The following ANKFN1 variants were observed in gnomAD, a reference collection of about 807,000 sequenced individuals.
The protein encoded by ANKFN1 is ankyrin repeat and fibronectin type III domain containing 1, also known as ankyrin repeat and fibronectin type-III domain-containing protein 1.
Under a neutral mutation model 108.7 loss-of-function variants are expected in ANKFN1, and 74 were observed. That is an observed-to-expected ratio of 0.68 (90% CI 0.56 to 0.83). ANKFN1 has a LOEUF of 0.83. Ranked by LOEUF, ANKFN1 falls within the 40% of genes least tolerant of loss-of-function variation. The probability of loss-of-function intolerance (pLI) is 0.00; values close to 1 mark genes in which losing one functional copy is unlikely to be tolerated. For synonymous variants in ANKFN1, 547 were observed against 516.2 expected (o/e 1.06, Z -0.81); for missense variants, 1,505 against 1,382.3 (o/e 1.09, Z -1.41).
chr17:56,188,543 A>ATG (rs1466873294), intron 1 of ANKFN1, among the ~76,000 whole-genome samples: 949 of 73,700 alleles, frequency 0.013, 71 homozygotes, highest in East Asian at 0.042. Context: ...AATAAGATGT[A>ATG]TATGTGTGTG....
intron 2 of ANKFN1, among the ~76,000 whole-genome samples, chr17:56,218,046 A>C (rs1041193673): frequency 1.3e-5 from 2 of 152,120 alleles, no homozygotes; most frequent in Non-Finnish European, 2.9e-5. Context: ...GAGTCATTAG[A>C]TTCCAACAAA....
At position 56,274,081 on chromosome 17, in the gene ANKFN1, G is replaced by A. The variant is rs568606292; in HGVS notation, c.53+46124G>A. ...ACCATAGTAATAGGACATTCTTATT[G>A]GATAGATCCGAGTCACATACAAGGG... On this transcript the variant is annotated intron_variant, in intron 3 of 20. Coordinates refer to ENST00000682825, the MANE Select transcript of ANKFN1 (RefSeq NM_001370326.1). Among the ~76,000 whole-genome samples, 4 of 152,220 alleles carry A rather than the reference G, an allele frequency of 2.6e-5. No homozygotes were observed. In the South Asian group the frequency reaches 8.3e-4, roughly 32 times the overall value.
In ANKFN1 at chr17:56,392,249, A is replaced by G. The variant is rs192659604; in HGVS notation, c.910+17535A>G. 2.7e-4 allele frequency among the ~76,000 whole-genome samples: 41 copies of G among 152,308 alleles called. 1 individual carries two copies. Among genetic ancestry groups the G allele is most frequent in the South Asian group, 2.3e-3 (11 of 4,832 alleles). On this transcript the variant is annotated intron_variant, in intron 8 of 20. Transcript: ENST00000682825. ...GCTGAGCAGGGAGTTGAACCCACGC[A>G]TTGTTACGCAAGGGCCCATCAGTAA...
chr17:56,322,752 C>T (rs2045406943), intron 3 of ANKFN1, among the ~76,000 whole-genome samples: 1 of 152,198 alleles, frequency 6.6e-6, no homozygotes, highest in African/African-American at 2.4e-5. Context: ...CTATGTGTTA[C>T]AGAAAGAAGT....
chr17:56,297,280 G>A (rs2044540167), intron 3 of ANKFN1, among the ~76,000 whole-genome samples: 1 of 152,204 alleles, frequency 6.6e-6, no homozygotes, highest in African/African-American at 2.4e-5. Context: ...TGTGTGTGGT[G>A]AGCCTGCAGG....
chr17:56,301,415 T>G (rs965078712), intron 3 of ANKFN1, among the ~76,000 whole-genome samples: 1 of 152,212 alleles, frequency 6.6e-6, no homozygotes, highest in Non-Finnish European at 1.5e-5. Context: ...ATGGCTTGGT[T>G]TAATCTGAAA....
chr17:56,173,515 A>G (rs1910862587), intron 1 of ANKFN1, among the ~76,000 whole-genome samples: 1 of 152,142 alleles, frequency 6.6e-6, no homozygotes, highest in Non-Finnish European at 1.5e-5. Flanking sequence ...CTCTCCCACA[A>G]GAATAGAAAT....
chr17:56,297,159 G>C (rs1361864092), intron 3 of ANKFN1, among the ~76,000 whole-genome samples: 3 of 152,196 alleles, frequency 2.0e-5, no homozygotes, highest in Non-Finnish European at 4.4e-5. Flanking sequence ...TAAGGGTGGA[G>C]GTTGCTTCGG....
chr17:56,325,340 T>TATGTTGA (rs2045486518), intron 3 of ANKFN1, among the ~76,000 whole-genome samples: 1 of 151,302 alleles, frequency 6.6e-6, no homozygotes, highest in African/African-American at 2.4e-5. Context: ...GTCCCACCCC[T>TATGTTGA]CAACATAATA....
chr17:56,205,002 G>A (rs1598234139), intron 1 of ANKFN1, among the ~76,000 whole-genome samples: 2 of 152,310 alleles, frequency 1.3e-5, no homozygotes, highest in Non-Finnish European at 2.9e-5. Context: ...TGTGAACCCG[G>A]GAGGCGGAGC....
intron 4 of ANKFN1, among the ~76,000 whole-genome samples, chr17:56,066,220 G>C (rs1449665256): frequency 6.6e-6 from 1 of 152,196 alleles, no homozygotes. Context: ...TCAAAGGCAA[G>C]TTCCTAAAGG....
rs80276206 is a variant in ANKFN1 at position 56,176,960 on chromosome 17, T to G, written c.-71+23430T>G. Among the ~76,000 whole-genome samples the G allele has an allele frequency of 9.2e-3, 1,395 of 152,304 alleles. 18 individuals carry two copies. The highest frequency in any genetic ancestry group is 0.031 in the African/African-American group (1,296 of 41,568). The stretch of plus-strand genomic sequence containing the variant: ...TTGCTATTCCCCTAAAGAATGTTAC[T>G]CAATCCTATAACTTAAAACAAGCAA... On this transcript the variant is annotated intron_variant, in intron 1 of 20. Transcript: ENST00000682825.
At chr17:56,366,062 A>G (rs1275750739) in intron 6 of ANKFN1, among the ~76,000 whole-genome samples, 1 of 152,180 alleles carries the variant, frequency 6.6e-6, no homozygotes, top group Non-Finnish European at 1.5e-5. Context: ...GTGGGATAAG[A>G]TGTTGAGGTG....
At chr17:56,216,680 AC>A (rs1383330570) in intron 2 of ANKFN1, among the ~76,000 whole-genome samples, 1 of 152,162 alleles carries the variant, frequency 6.6e-6, no homozygotes, top group East Asian at 1.9e-4. Context: ...GAGCCAAAAG[AC>A]CTAATTTCTA....
At chr17:56,477,892 A>G (rs914736954) in intron 16 of ANKFN1, among the ~76,000 whole-genome samples, 2 of 152,144 alleles carry the variant, frequency 1.3e-5, no homozygotes, top group Admixed American at 1.3e-4. Flanking sequence ...CAATGGCGCA[A>G]TATCAGCTCA....
chr17:56,056,405 A>G (rs1904878446), intron 4 of ANKFN1, among the ~76,000 whole-genome samples: 1 of 150,666 alleles, frequency 6.6e-6, no homozygotes, highest in Non-Finnish European at 1.5e-5. Flanking sequence ...GAGGGATTGC[A>G]TTGCCTGACT....
At position 56,493,114 on chromosome 17, in the gene ANKFN1, TCAGACA is replaced by T. The variant is rs779386571; in HGVS notation, c.2427+763_2427+768del. ...TAAACCTTTATTAAACAACCAGGTGTCAGACACTGTGTGCGAGACATAAAGTTGAAT... is the reference window on the plus strand; with the variant it reads ...TAAACCTTTATTAAACAACCAGGTGTCTGTGTGCGAGACATAAAGTTGAAT... On this transcript the variant is annotated intron_variant, in intron 19 of 20. Transcript: ENST00000682825. Among the ~76,000 whole-genome samples the T allele has an allele frequency of 7.5e-4, 114 of 152,318 alleles. 1 individual carries two copies. The highest frequency in any genetic ancestry group is 1.3e-3 in the Non-Finnish European group (88 of 68,028).
intron 4 of ANKFN1, among the ~76,000 whole-genome samples, chr17:56,132,702 A>G (rs990052117): frequency 6.6e-6 from 1 of 152,166 alleles, no homozygotes; most frequent in Non-Finnish European, 1.5e-5. Flanking sequence ...AGATGCCTGT[A>G]GATTCAGCAT....
At chr17:56,292,747 A>G (rs1055392121) in intron 3 of ANKFN1, among the ~76,000 whole-genome samples, 1 of 152,206 alleles carries the variant, frequency 6.6e-6, no homozygotes, top group Non-Finnish European at 1.5e-5. Context: ...AACCACTGCC[A>G]TCTCACCTGG....
Sources: gnomAD v4.1 joint callset for allele counts (sites outside exome capture counted in the v4.1 genomes callset) on GRCh38, gnomAD v4.1.1 for gene constraint, MANE v1.5 for transcripts, NCBI Gene and HGNC (gene_info 2026-07-23, HGNC 2026-07-21) for gene names.